RABGEF1: variants seen among roughly 807,000 people sequenced by gnomAD.
RABGEF1 encodes rab5 GDP/GTP exchange factor.
A neutral mutation model predicts 57.3 loss-of-function variants in RABGEF1; 26 were observed. That is an observed-to-expected ratio of 0.45 (90% CI 0.33 to 0.63). RABGEF1 has a LOEUF of 0.63. RABGEF1 is among the 20% of genes least tolerant of loss of function. The pLI, the probability that RABGEF1 is intolerant of heterozygous loss-of-function variation, is 0.02. For missense variants in RABGEF1, 464 were observed against 607.6 expected, an observed-to-expected ratio of 0.76 and a Z score of 2.48; for synonymous variants, 185 against 210.7, an observed-to-expected ratio of 0.88 and a Z score of 1.06.
chr7:66,727,447 T>A (rs1192521639), intron 2 of RABGEF1, among the ~76,000 whole-genome samples: 3 of 152,236 alleles, frequency 2.0e-5, no homozygotes, highest in Non-Finnish European at 4.4e-5. Flanking sequence ...CAAATTGGAT[T>A]CATGACCTTT....
chr7:66,810,937 A>G lies in RABGEF1; in HGVS notation c.*1653A>G, dbSNP rs1477610542. Reference sequence around the variant, plus strand: ...TCATCACGCACTGAAGACAGGAAGCAGTTCACTGAGTCAGCTGGTTCCCAA... The same window carrying G: ...TCATCACGCACTGAAGACAGGAAGCGGTTCACTGAGTCAGCTGGTTCCCAA... On this transcript the variant is annotated 3_prime_UTR_variant, in exon 9 of 9. Coordinates refer to ENST00000284957, the MANE Select transcript of RABGEF1 (RefSeq NM_014504.3). 1 of 152,254 alleles carries G rather than the reference A, an allele frequency of 6.6e-6. No homozygotes were observed. Among genetic ancestry groups the G allele is most frequent in the African/African-American group, 2.4e-5 (1 of 41,476 alleles). 9.4% of individuals were successfully genotyped at this position (152,254 alleles called of 1,614,324 possible). A position where few individuals can be genotyped will look rare whatever the true frequency, so the allele number is the denominator to read the frequency against.
chr7:66,712,472 CT>C (rs1287355574), intron 2 of RABGEF1, among the ~76,000 whole-genome samples: 1 of 152,094 alleles, frequency 6.6e-6, no homozygotes, highest in Non-Finnish European at 1.5e-5. Flanking sequence ...CTGCAGATAT[CT>C]TTTTTTCTTT....
intron 2 of RABGEF1, among the ~76,000 whole-genome samples, chr7:66,713,134 C>A (rs1217350482): frequency 7.0e-6 from 1 of 143,126 alleles, no homozygotes; most frequent in East Asian, 2.4e-4. Flanking sequence ...TTCTTTTTTT[C>A]TTTTCTTTTC....
intron 4 of RABGEF1, among the ~76,000 whole-genome samples, chr7:66,790,457 A>G (rs1812371312): frequency 6.6e-6 from 1 of 152,222 alleles, no homozygotes; most frequent in Non-Finnish European, 1.5e-5. Context: ...TATGAACTAC[A>G]GGAAGATCTA....
rs765682736 is a variant in RABGEF1 at position 66,783,798 on chromosome 7, A to G, written c.470A>G (p.Tyr157Cys). 2 of 1,613,640 alleles carry G rather than the reference A, an allele frequency of 1.2e-6. No individual in the cohort carries two copies. Among genetic ancestry groups the G allele is most frequent in the South Asian group, 1.1e-5 (1 of 91,048 alleles). Residue 157 changes from tyrosine (Y) to cysteine (C), a missense_variant, in exon 4 of 9, where the codon TAT (tyrosine) becomes TGT (cysteine). Tyr to Cys is a radical substitution (Grantham distance 194). Around this residue, in one of 4 missense-constraint regions of RABGEF1, gnomAD observed 284 missense variants for 389.9 expected, o/e 0.73. Coordinates refer to ENST00000284957, the MANE Select transcript of RABGEF1 (RefSeq NM_014504.3). The part of the protein sequence containing the change: ...KTFHKTGQEI[Y>C]KQTKLFLEGM... ...TTCCACAAGACAGGCCAAGAAATCTATAAACAGACCAAGCTGTTTTTGGAA... is the reference window on the plus strand; with the variant it reads ...TTCCACAAGACAGGCCAAGAAATCTGTAAACAGACCAAGCTGTTTTTGGAA...
At chr7:66,748,742 TACA>T (rs1800785399) in intron 1 of RABGEF1, 1 of 153,962 alleles carries the variant, frequency 6.5e-6, no homozygotes. Flanking sequence ...ACCTGATGAT[TACA>T]CTTTATACCT....
chr7:66,751,030 T>C (rs908858353), intron 1 of RABGEF1, among the ~76,000 whole-genome samples: 9 of 143,106 alleles, frequency 6.3e-5, no homozygotes, highest in African/African-American at 2.5e-5. Context: ...CCCTCTTTTT[T>C]TCTTTTTTTT....
intron 1 of RABGEF1, among the ~76,000 whole-genome samples, chr7:66,746,307 T>A (rs1244274508): frequency 1.3e-5 from 2 of 151,998 alleles, no homozygotes; most frequent in African/African-American, 4.8e-5. Flanking sequence ...TTTTTACTTT[T>A]CTTTTTTTCT....
At position 66,717,821 on chromosome 7, in the gene RABGEF1, A is replaced by C. The variant is rs551893299; in HGVS notation, c.-815+5597A>C. ...GTGATCCACTCGCCTTGGCCTCCCA[A>C]AGTGCTGGGATTACAGGCTTGAGCC... On this transcript the variant is annotated intron_variant and NMD_transcript_variant, in intron 2 of 9. Coordinates refer to the RABGEF1 transcript ENST00000607882. Among the ~76,000 whole-genome samples the C allele has an allele frequency of 5.3e-5, 8 of 152,128 alleles. No individual in the cohort carries two copies. The South Asian group carries it at 1.5e-3, about 28-fold the overall frequency.
At chr7:66,749,862 T>C (rs1157266368) in intron 1 of RABGEF1, among the ~76,000 whole-genome samples, 1 of 152,060 alleles carries the variant, frequency 6.6e-6, no homozygotes, top group Non-Finnish European at 1.5e-5. Context: ...TAGTCCCAGC[T>C]ACTCGGGAGG....
chr7:66,732,188 G>A lies in RABGEF1; in HGVS notation c.-814-7808G>A, dbSNP rs10267020. On this transcript the variant is annotated intron_variant and NMD_transcript_variant, in intron 2 of 9. Coordinates refer to the RABGEF1 transcript ENST00000607882. The stretch of plus-strand genomic sequence containing the variant: ...CACAACTCCCACACCAGTGGGCCTC[G>A]GTGCCTGGAGCACCGTCCATAAGCG... Among the ~76,000 whole-genome samples the A allele has an allele frequency of 2.3e-3, 352 of 152,328 alleles. 4 individuals carry two copies. Among genetic ancestry groups the A allele is most frequent in the African/African-American group, 8.1e-3 (337 of 41,582 alleles).
At chr7:66,796,958 A>C (rs1215808786) in intron 5 of RABGEF1, 10 of 423,750 alleles carry the variant, frequency 2.4e-5, no homozygotes, top group African/African-American at 4.2e-5. Context: ...GAGTGTGTTT[A>C]ATTTATTTCT....
At chr7:66,768,658 C>A (rs981867003) in intron 1 of RABGEF1, among the ~76,000 whole-genome samples, 2 of 152,108 alleles carry the variant, frequency 1.3e-5, no homozygotes, top group African/African-American at 4.8e-5. Flanking sequence ...CTGAGACCTG[C>A]ATAGTGGTCT....
At chr7:66,768,079 G>A (rs778926596) in intron 1 of RABGEF1, among the ~76,000 whole-genome samples, 8 of 152,270 alleles carry the variant, frequency 5.3e-5, no homozygotes, top group Middle Eastern at 3.4e-3. Flanking sequence ...AACCGTTTGC[G>A]TATAGAATTT....
chr7:66,708,578 C>T (rs528260826), intron 1 of RABGEF1, among the ~76,000 whole-genome samples: 9 of 152,226 alleles, frequency 5.9e-5, no homozygotes, highest in African/African-American at 1.4e-4. Flanking sequence ...CGTGAGCCAC[C>T]GCCCCTGGCC....
chr7:66,800,083 TAGAA>T (rs1786933665), intron 7 of RABGEF1, among the ~76,000 whole-genome samples: 1 of 152,226 alleles, frequency 6.6e-6, no homozygotes, highest in Non-Finnish European at 1.5e-5. Flanking sequence ...TCTCCTTTAT[TAGAA>T]AGAGGCCTTG....
At chr7:66,800,166 G>A (rs1786959610) in intron 7 of RABGEF1, among the ~76,000 whole-genome samples, 2 of 152,234 alleles carry the variant, frequency 1.3e-5, no homozygotes, top group Admixed American at 1.3e-4. Flanking sequence ...ACTGATATTA[G>A]TAGTGTTGGA....
At chr7:66,705,221 TA>T (rs1264415715) in intron 1 of RABGEF1, among the ~76,000 whole-genome samples, 15 of 151,928 alleles carry the variant, frequency 9.9e-5, no homozygotes, top group Non-Finnish European at 1.9e-4. Flanking sequence ...GCCAACATGG[TA>T]AAACCCCGTC....
chr7:66,709,818 C>A (rs1393075894), intron 1 of RABGEF1, among the ~76,000 whole-genome samples: 1 of 152,026 alleles, frequency 6.6e-6, no homozygotes, highest in East Asian at 1.9e-4. Flanking sequence ...CCAGTTAAAT[C>A]AGGTCATTGA....
Sources: gnomAD v4.1 joint callset for allele counts (sites outside exome capture counted in the v4.1 genomes callset) on GRCh38, gnomAD v4.1.1 for gene constraint, gnomAD v4.1.1 regional missense constraint, MANE v1.5 for transcripts, NCBI Gene and HGNC (gene_info 2026-07-23, HGNC 2026-07-21) for gene names.